Variants in IGF1R observed in about 807,000 individuals in gnomAD.
IGF1R encodes insulin like growth factor 1 receptor, also known as insulin-like growth factor 1 receptor.
A neutral mutation model predicts 144.6 loss-of-function variants in IGF1R; 44 were observed. That is an observed-to-expected ratio of 0.30 (90% CI 0.24 to 0.39). IGF1R has a LOEUF of 0.39. Ranked by LOEUF, IGF1R falls within the 10% of genes least tolerant of loss-of-function variation. The pLI is 1.00. For synonymous variants in IGF1R, 795 were observed against 722.8 expected, an observed-to-expected ratio of 1.10 and a Z score of -1.60; for missense variants, 1,355 against 1,833.7, an observed-to-expected ratio of 0.74 and a Z score of 4.77.
intron 2 of IGF1R, among the ~76,000 whole-genome samples, chr15:98,775,598 G>T (rs1290453700): frequency 2.0e-5 from 3 of 152,278 alleles, no homozygotes; most frequent in South Asian, 4.1e-4. Context: ...CTGGGGAGGG[G>T]TCTTTGGCCA....
rs34868731 is a variant in IGF1R, at chr15:98,707,704, G to T, written c.237G>T (p.Thr79=). ...DYRSYRFPKL[T]VITEYLLLFR... The stretch of plus-strand genomic sequence containing the variant: ...GCAGCTACCGCTTCCCCAAGCTCAC[G>T]GTCATTACCGAGTACTTGCTGCTGT... The change falls in exon 2 of 21, where the codon ACG becomes ACT. Residue 79 remains threonine, a synonymous_variant. Coordinates refer to ENST00000650285, the MANE Select transcript of IGF1R (RefSeq NM_000875.5). The surrounding 1 kb of genome is among the most constrained non-coding windows in gnomAD (Gnocchi z 6.7). 1,429 of 1,614,108 alleles carry T rather than the reference G, an allele frequency of 8.9e-4. 14 individuals carry two copies. The African/African-American group carries it at 0.017, about 20-fold the overall frequency.
chr15:98,691,168 A>G lies in IGF1R; in HGVS notation c.95-16394A>G, dbSNP rs144638216. Among the ~76,000 whole-genome samples the G allele has an allele frequency of 2.3e-3, 354 of 152,158 alleles. 1 individual carries two copies. The highest frequency in any genetic ancestry group is 8.1e-3 in the African/African-American group (335 of 41,520). ...TTTTGGATTTTACCAGTTTTGCCCA[A>G]TGTTCCTTTCCTGGTCTAGGATCCT... On this transcript the variant is annotated intron_variant, in intron 1 of 20. Coordinates refer to ENST00000650285, the MANE Select transcript of IGF1R (RefSeq NM_000875.5).
chr15:98,950,460 G>T lies in IGF1R; in HGVS notation c.3722+1752G>T, dbSNP rs184810754. On this transcript the variant is annotated intron_variant, in intron 20 of 20. Transcript: ENST00000650285. ...ACCTGAGGCTCAGGGACATCTTCAG[G>T]CTCCTTCAGGGTTCTGCACTTGCAG... 2.6e-3 allele frequency among the ~76,000 whole-genome samples: 402 copies of T among 152,292 alleles called. 1 individual carries two copies. The highest frequency in any genetic ancestry group is 9.1e-3 in the African/African-American group (378 of 41,554).
In IGF1R at chr15:98,935,674, C is replaced by T. The variant is rs1370487297; in HGVS notation, c.3297+248C>T. Among the ~76,000 whole-genome samples, 2 of 152,098 alleles carry T rather than the reference C, an allele frequency of 1.3e-5. No individual in the cohort carries two copies. Among genetic ancestry groups the T allele is most frequent in the Non-Finnish European group, 2.9e-5 (2 of 68,020 alleles). ...TGCTAAGCCCCTCTGTGCCTTTGTT[C>T]CTGCATTCCCTCCACCCCCAGTCCC... On this transcript the variant is annotated intron_variant, in intron 17 of 20. Transcript: ENST00000650285. The surrounding 1 kb of genome is among the most constrained non-coding windows in gnomAD (Gnocchi z 4.2).
rs142727509 is a variant in IGF1R, at chr15:98,935,573, T to C, written c.3297+147T>C. The C allele has an allele frequency of 1.1e-3, 810 of 711,160 alleles. 3 individuals are homozygous for C. Among genetic ancestry groups the C allele is most frequent in the Middle Eastern group, 5.3e-3 (23 of 4,352 alleles). The allele number at this position is 711,160 out of a possible 1,614,324, so 44.1% of individuals were successfully genotyped here. On this transcript the variant is annotated intron_variant, in intron 17 of 20. Transcript: ENST00000650285. The surrounding 1 kb of genome is among the most constrained non-coding windows in gnomAD (Gnocchi z 4.2). ...TACTGCATGCTCAGTTGTAGGTCAT[T>C]TATGCAAAGGATTTCCCCAACTAGA...
intron 2 of IGF1R, among the ~76,000 whole-genome samples, chr15:98,808,931 C>A (rs528374182): frequency 1.1e-4 from 16 of 152,206 alleles, no homozygotes; most frequent in Non-Finnish European, 1.9e-4. Flanking sequence ...AAGTGATCCT[C>A]CTGCCTCAGC....
At chr15:98,722,082 G>A (rs1227574913) in intron 2 of IGF1R, among the ~76,000 whole-genome samples, 2 of 152,150 alleles carry the variant, frequency 1.3e-5, no homozygotes, top group Admixed American at 6.5e-5. Context: ...AGTTTCCATC[G>A]TGTCCCTCAG....
intron 2 of IGF1R, among the ~76,000 whole-genome samples, chr15:98,836,083 T>C (rs900042581): frequency 6.6e-6 from 1 of 152,274 alleles, no homozygotes; most frequent in East Asian, 1.9e-4. Flanking sequence ...GCGACAATTA[T>C]GAAATTCGTC....
intron 2 of IGF1R, among the ~76,000 whole-genome samples, chr15:98,738,637 TG>T (rs2054667856): frequency 6.6e-6 from 1 of 152,220 alleles, no homozygotes; most frequent in Admixed American, 6.5e-5. Context: ...TTAGGATTTG[TG>T]TGGCTAAATC....
chr15:98,751,241 C>A (rs1343427330), intron 2 of IGF1R, among the ~76,000 whole-genome samples: 1 of 152,178 alleles, frequency 6.6e-6, no homozygotes, highest in Non-Finnish European at 1.5e-5. Flanking sequence ...TGCTCTGTCA[C>A]CCAGGCTGGG....
intron 2 of IGF1R, among the ~76,000 whole-genome samples, chr15:98,755,285 G>T (rs2055120037): frequency 6.6e-6 from 1 of 151,972 alleles, no homozygotes; most frequent in African/African-American, 2.4e-5. Flanking sequence ...AATTTCAGCA[G>T]TTCACAAAAT....
intron 2 of IGF1R, among the ~76,000 whole-genome samples, chr15:98,798,584 G>T (rs2056297753): frequency 6.6e-6 from 1 of 152,176 alleles, no homozygotes; most frequent in Non-Finnish European, 1.5e-5. Flanking sequence ...GACCAGGATG[G>T]TGGAGATGGT....
At chr15:98,716,308 GTCTC>G (rs997839845) in intron 2 of IGF1R, among the ~76,000 whole-genome samples, 7 of 152,000 alleles carry the variant, frequency 4.6e-5, no homozygotes, top group Non-Finnish European at 7.4e-5. Flanking sequence ...GTGTTGCTTG[GTCTC>G]TCTCTCTGTC....
At chr15:98,674,592 G>A (rs1233737130) in intron 1 of IGF1R, among the ~76,000 whole-genome samples, 14 of 152,222 alleles carry the variant, frequency 9.2e-5, no homozygotes, top group East Asian at 7.7e-4. Context: ...GACGAACAGC[G>A]AACCTTTGAT....
chr15:98,811,593 A>G (rs767119186), intron 2 of IGF1R, among the ~76,000 whole-genome samples: 1 of 151,682 alleles, frequency 6.6e-6, no homozygotes, highest in Non-Finnish European at 1.5e-5. Context: ...TATAACTTGT[A>G]TGTGTTGGGT....
chr15:98,895,034 AAGAC>A (rs1345278289), intron 3 of IGF1R, among the ~76,000 whole-genome samples: 29 of 151,720 alleles, frequency 1.9e-4, no homozygotes, highest in Non-Finnish European at 2.9e-5. Flanking sequence ...AAAAAAAAAA[AAGAC>A]AGATTGTAGA....
intron 1 of IGF1R, among the ~76,000 whole-genome samples, chr15:98,668,439 C>G (rs971570346): frequency 2.6e-5 from 4 of 152,216 alleles, no homozygotes; most frequent in Non-Finnish European, 5.9e-5. Context: ...TACATGGAAT[C>G]CAGTACTTGA....
chr15:98,942,341 T>C (rs987100310), intron 18 of IGF1R, among the ~76,000 whole-genome samples: 8 of 152,264 alleles, frequency 5.3e-5, no homozygotes, highest in Admixed American at 5.2e-4. Context: ...TTTTTTCTTA[T>C]TTTTATTTTC....
chr15:98,894,861 A>C (rs2014101307), intron 3 of IGF1R, among the ~76,000 whole-genome samples: 1 of 152,086 alleles, frequency 6.6e-6, no homozygotes, highest in Non-Finnish European at 1.5e-5. Context: ...TCTCTACTAA[A>C]AATACAAAAA....
Sources: gnomAD v4.1 joint callset for allele counts (sites outside exome capture counted in the v4.1 genomes callset) on GRCh38, gnomAD v4.1.1 for gene constraint, Gnocchi (gnomAD v3.1) non-coding constraint, MANE v1.5 for transcripts, NCBI Gene and HGNC (gene_info 2026-07-23, HGNC 2026-07-21) for gene names.